The following ZNF326 variants were observed in gnomAD, a reference collection of about 807,000 sequenced individuals.
ZNF326 encodes DBIRD complex subunit ZNF326.
ZNF326 carries 30 observed loss-of-function variants against 63.1 expected under a neutral mutation model. The observed-to-expected ratio is 0.48, with a 90% confidence interval of 0.36 to 0.64. The LOEUF (loss-of-function observed/expected upper bound fraction) is 0.64. Among genes scored for constraint, ZNF326 ranks in the 30% least tolerant of loss-of-function variants. The pLI is 0.00. For synonymous variants in ZNF326, 194 were observed against 228.2 expected (o/e 0.85, Z 1.35); for missense variants, 609 against 720.3 (o/e 0.85, Z 1.77).
Position 90,029,759 on chromosome 1 carries a change from T to C in ZNF326, c.*2058T>C, listed in dbSNP as rs1650181191. On this transcript the variant is annotated 3_prime_UTR_variant, in exon 12 of 12. Coordinates refer to ENST00000340281, the MANE Select transcript of ZNF326 (RefSeq NM_182976.4). ...GAAAGAACATCTAAATAGTACTTTT[T>C]TGTGGGACGCATGAGCCTTTATACA... 2 of 152,292 alleles carry C rather than the reference T, an allele frequency of 1.3e-5. No homozygotes were observed. Among genetic ancestry groups the C allele is most frequent in the South Asian group, 4.2e-4 (2 of 4,818 alleles). The allele number at this position is 152,292 out of a possible 1,614,324, so 9.4% of individuals were successfully genotyped here. A position where few individuals can be genotyped will look rare whatever the true frequency, so the allele number is the denominator to read the frequency against.
intron 10 of ZNF326, 71 bp downstream of exon 10, chr1:90,020,993 C>A: frequency 6.8e-7 from 1 of 1,473,254 alleles, no homozygotes. Flanking sequence ...TTGGCCATAG[C>A]TTCACACCTA....
At chr1:89,998,055 T>G in intron 1 of ZNF326, 55 bp from the exon 2 acceptor site, 4 of 1,519,060 alleles carry the variant, frequency 2.6e-6, no homozygotes, top group Non-Finnish European at 3.6e-6. Context: ...GGCATATAAT[T>G]TTGAATTATT....
chr1:90,009,238 C>T (rs540996244), intron 5 of ZNF326, among the ~76,000 whole-genome samples: 1 of 152,262 alleles, frequency 6.6e-6, no homozygotes, highest in South Asian at 2.1e-4. Context: ...ATAGGACCTA[C>T]ATTTTAAATC....
chr1:89,996,536 T>C (rs1648383017), intron 1 of ZNF326, among the ~76,000 whole-genome samples: 1 of 152,150 alleles, frequency 6.6e-6, no homozygotes. Flanking sequence ...GTTTTGTTTG[T>C]TTTGGTTGGA....
At chr1:90,023,046 C>T (rs1367436116) in intron 11 of ZNF326, among the ~76,000 whole-genome samples, 2 of 152,168 alleles carry the variant, frequency 1.3e-5, no homozygotes, top group East Asian at 1.9e-4. Flanking sequence ...ATACTCTTTA[C>T]TCCTCAGGGT....
intron 11 of ZNF326, among the ~76,000 whole-genome samples, chr1:90,023,557 C>CT (rs1290000948): frequency 2.6e-5 from 4 of 152,036 alleles, no homozygotes; most frequent in Admixed American, 1.3e-4. Flanking sequence ...CTTGACACTA[C>CT]TTTAAAAAAA....
chr1:90,035,276 T>C lies in ZNF326; in HGVS notation c.*7575T>C, dbSNP rs1376440651. 6.6e-6 allele frequency: 1 copy of C among 152,142 alleles called. No individual in the cohort carries two copies. The highest frequency in any genetic ancestry group is 1.5e-5 in the Non-Finnish European group (1 of 68,002). The allele number at this position is 152,142 out of a possible 1,614,324, so 9.4% of individuals were successfully genotyped here. On this transcript the variant is annotated 3_prime_UTR_variant, in exon 12 of 12. Coordinates refer to ENST00000340281, the MANE Select transcript of ZNF326 (RefSeq NM_182976.4). ...AGCAGTGTGATTGTAGAGACAAACATCCAAGAGAAACAGTTGAAAAACTAT... is the reference window on the plus strand; with the variant it reads ...AGCAGTGTGATTGTAGAGACAAACACCCAAGAGAAACAGTTGAAAAACTAT...
Position 90,031,854 on chromosome 1 carries a change from C to G in ZNF326, c.*4153C>G, listed in dbSNP as rs531950246. 1 of 152,450 alleles carries G rather than the reference C, an allele frequency of 6.6e-6. No homozygotes were observed. Among genetic ancestry groups the G allele is most frequent in the African/African-American group, 2.4e-5 (1 of 41,580 alleles). The allele number at this position is 152,450 out of a possible 1,614,324, so 9.4% of individuals were successfully genotyped here. A position where few individuals can be genotyped will look rare whatever the true frequency, so the allele number is the denominator to read the frequency against. Reference sequence around the variant, plus strand: ...GGATTATAGGCATGAGCCACCGCGTCTGGCATACAAACTTTTGATTACAGT... The same window carrying G: ...GGATTATAGGCATGAGCCACCGCGTGTGGCATACAAACTTTTGATTACAGT... On this transcript the variant is annotated 3_prime_UTR_variant, in exon 12 of 12. Coordinates refer to ENST00000340281, the MANE Select transcript of ZNF326 (RefSeq NM_182976.4).
intron 10 of ZNF326, among the ~76,000 whole-genome samples, chr1:90,021,282 T>G (rs931178617): frequency 2.6e-5 from 4 of 152,118 alleles, no homozygotes; most frequent in African/African-American, 9.6e-5. Context: ...ATGGTAAGCA[T>G]TCAGGAAATC....
rs753102604 is a variant in ZNF326 at position 90,017,416 on chromosome 1, T to C, written c.1026T>C (p.His342=). ...CTTCACATCAGGAAACATTAGATCA[T>C]ATACAGAAACAAACTAAATTTGATA... ...ESSSHQETLD[H]IQKQTKFDKV... Residue 342 remains histidine (H), a synonymous_variant, in exon 8 of 12, where the codon CAT becomes CAC. Coordinates refer to ENST00000340281, the MANE Select transcript of ZNF326 (RefSeq NM_182976.4). 1.9e-6 allele frequency: 3 copies of C among 1,600,952 alleles called. No individual in the cohort carries two copies. In the African/African-American group the frequency reaches 4.0e-5, roughly 22 times the overall value.
In ZNF326 at chr1:90,029,741, C is replaced by T. The variant is rs538246419; in HGVS notation, c.*2040C>T. 1 of 152,240 alleles carries T rather than the reference C, an allele frequency of 6.6e-6. No homozygotes were observed. The highest frequency in any genetic ancestry group is 2.1e-4 in the South Asian group (1 of 4,822). The allele number at this position is 152,240 out of a possible 1,614,324, so 9.4% of individuals were successfully genotyped here. Reference sequence around the variant, plus strand: ...TTTTAGAATGAGAGATAGGAAAGAACATCTAAATAGTACTTTTTTGTGGGA... The same window carrying T: ...TTTTAGAATGAGAGATAGGAAAGAATATCTAAATAGTACTTTTTTGTGGGA... On this transcript the variant is annotated 3_prime_UTR_variant, in exon 12 of 12. Transcript: ENST00000340281.
intron 9 of ZNF326, 95 bp from the exon 10 acceptor site, chr1:90,020,696 AG>A: frequency 8.4e-7 from 1 of 1,191,316 alleles, no homozygotes; most frequent in Non-Finnish European, 1.2e-6. Flanking sequence ...TTTTGGAAGA[AG>A]GGGTATAAAT....
chr1:90,012,587 T>C (rs916252186), intron 6 of ZNF326, among the ~76,000 whole-genome samples: 1 of 152,236 alleles, frequency 6.6e-6, no homozygotes, highest in Non-Finnish European at 1.5e-5. Flanking sequence ...GTAAATCTTA[T>C]GTTTTGTGTA....
intron 8 of ZNF326, 108 bp from the exon 9 acceptor site, chr1:90,018,577 A>G: frequency 1.9e-6 from 1 of 532,550 alleles, no homozygotes; most frequent in Non-Finnish European, 3.4e-6. Context: ...AAAGATGTTA[A>G]TTCTTATGTA....
chr1:90,027,740 G>A lies in ZNF326; in HGVS notation c.*39G>A. ...GATTTAAAAGGAGCTTTACATTTCGGTTCTAATGTAAAAAAGGGTAAGAAA... is the reference window on the plus strand; with the variant it reads ...GATTTAAAAGGAGCTTTACATTTCGATTCTAATGTAAAAAAGGGTAAGAAA... On this transcript the variant is annotated 3_prime_UTR_variant, in exon 12 of 12. Coordinates refer to ENST00000340281, the MANE Select transcript of ZNF326 (RefSeq NM_182976.4). 1.3e-6 allele frequency: 2 copies of A among 1,591,880 alleles called. No homozygotes were observed.
Position 90,027,557 on chromosome 1 carries a change from A to G in ZNF326, c.1605A>G (p.Ile535Met), listed in dbSNP as rs1281154684. 4.4e-6 allele frequency: 7 copies of G among 1,607,434 alleles called. No individual in the cohort carries two copies. The South Asian group carries it at 5.5e-5, about 13-fold the overall frequency. Residue 535 changes from isoleucine (I) to methionine (M), a missense_variant, in exon 12 of 12, where the codon ATA becomes ATG. This residue lies in a region of ZNF326 where 399 missense variants were observed against 444.3 expected (regional missense o/e 0.90). Coordinates refer to ENST00000340281, the MANE Select transcript of ZNF326 (RefSeq NM_182976.4). ...REGGIEGEGN[I>M]QGVGEGGEVG... ...GAGGAATAGAGGGCGAGGGAAATATACAGGGAGTAGGGGAAGGAGGGGAAG... is the reference window on the plus strand; with the variant it reads ...GAGGAATAGAGGGCGAGGGAAATATGCAGGGAGTAGGGGAAGGAGGGGAAG...
rs777764084 is a variant in ZNF326 at position 90,022,235 on chromosome 1, TTC to T, written c.1306-13_1306-12del. Reference sequence around the variant, plus strand: ...ATGGTTTTCAAGAACCCTCAGTGTGTTCTGTTTTTTATAGGCTTATAAGGAAC... The same window carrying T: ...ATGGTTTTCAAGAACCCTCAGTGTGTTGTTTTTTATAGGCTTATAAGGAAC... On this transcript the variant is annotated splice_polypyrimidine_tract_variant and intron_variant, in intron 10 of 11. Coordinates refer to ENST00000340281, the MANE Select transcript of ZNF326 (RefSeq NM_182976.4). 9.5e-6 allele frequency: 15 copies of T among 1,571,958 alleles called. No individual in the cohort carries two copies. Among genetic ancestry groups the T allele is most frequent in the Non-Finnish European group, 1.3e-5 (15 of 1,150,828 alleles).
chr1:89,997,793 T>C (rs572642108), intron 1 of ZNF326, among the ~76,000 whole-genome samples: 1 of 152,362 alleles, frequency 6.6e-6, no homozygotes, highest in East Asian at 1.9e-4. Context: ...TAATTTAATC[T>C]ATCTGCCTTT....
In ZNF326 at chr1:90,030,625, A is replaced by G. The variant is rs1650226923; in HGVS notation, c.*2924A>G. ...AACGAGGATTTGGGGGTACCAACCT[A>G]GATTTTACTAGAGCATATTCTTTGG... On this transcript the variant is annotated 3_prime_UTR_variant, in exon 12 of 12. Coordinates refer to ENST00000340281, the MANE Select transcript of ZNF326 (RefSeq NM_182976.4). 1 of 151,610 alleles carries G rather than the reference A, an allele frequency of 6.6e-6. No homozygotes were observed. The highest frequency in any genetic ancestry group is 2.1e-4 in the South Asian group (1 of 4,814). 9.4% of individuals were successfully genotyped at this position (151,610 alleles called of 1,614,324 possible). A position where few individuals can be genotyped will look rare whatever the true frequency, so the allele number is the denominator to read the frequency against.
Sources: gnomAD v4.1 joint callset for allele counts (sites outside exome capture counted in the v4.1 genomes callset) on GRCh38, gnomAD v4.1.1 for gene constraint, gnomAD v4.1.1 regional missense constraint, MANE v1.5 for transcripts, NCBI Gene and HGNC (gene_info 2026-07-23, HGNC 2026-07-21) for gene names.